PRKN: variants seen among roughly 807,000 people sequenced by gnomAD.
The protein encoded by PRKN is E3 ubiquitin-protein ligase parkin.
Under a neutral mutation model 59.5 loss-of-function variants are expected in PRKN, and 56 were observed. The observed-to-expected ratio is 0.94, with a 90% CI of 0.76 to 1.18. PRKN has a LOEUF of 1.18. PRKN is among the 50% of genes most tolerant of loss of function. PRKN has a pLI of 0.00. For missense variants in PRKN, 657 were observed against 596.4 expected, an observed-to-expected ratio of 1.10 and a Z score of -1.06; for synonymous variants, 250 against 222.1, an observed-to-expected ratio of 1.13 and a Z score of -1.12.
At chr6:162,024,691 T>C (rs1390260403) in intron 5 of PRKN, among the ~76,000 whole-genome samples, 1 of 152,186 alleles carries the variant, frequency 6.6e-6, no homozygotes, top group East Asian at 1.9e-4. Context: ...CTCAGGAACT[T>C]CTAAAACCAC....
At chr6:162,194,133 T>C (rs1175544320) in intron 4 of PRKN, among the ~76,000 whole-genome samples, 4 of 152,128 alleles carry the variant, frequency 2.6e-5, no homozygotes, top group Admixed American at 6.6e-5. Context: ...GAAGTTTAGG[T>C]TATATTTATA....
intron 7 of PRKN, among the ~76,000 whole-genome samples, chr6:161,750,142 C>CACACACACACACACACACATATAT (rs765990689): frequency 1.5e-5 from 2 of 136,982 alleles, no homozygotes; most frequent in African/African-American, 5.4e-5. Context: ...CACACACACA[C>CACACACACACACACACACATATAT]ATATATAAAT....
At chr6:162,498,769 T>C (rs1459766951) in intron 1 of PRKN, among the ~76,000 whole-genome samples, 1 of 151,988 alleles carries the variant, frequency 6.6e-6, no homozygotes, top group Non-Finnish European at 1.5e-5. Flanking sequence ...TAACATGTAA[T>C]AATGTGTATA....
chr6:161,756,459 A>C (rs1169139814), intron 7 of PRKN, among the ~76,000 whole-genome samples: 3 of 151,468 alleles, frequency 2.0e-5, no homozygotes, highest in African/African-American at 4.8e-5. Flanking sequence ...AAAAAAAAAA[A>C]AAAAAAAAAA....
chr6:162,622,769 C>G (rs1253363791), intron 1 of PRKN, among the ~76,000 whole-genome samples: 1 of 152,156 alleles, frequency 6.6e-6, no homozygotes, highest in African/African-American at 2.4e-5. Flanking sequence ...TGTCAACACT[C>G]AGAACATTCT....
chr6:161,806,616 G>A (rs913032887), intron 6 of PRKN, among the ~76,000 whole-genome samples: 4 of 152,174 alleles, frequency 2.6e-5, no homozygotes, highest in African/African-American at 9.7e-5. Flanking sequence ...CTGGAGGAGC[G>A]AGCAGGCTCT....
intron 6 of PRKN, among the ~76,000 whole-genome samples, chr6:161,925,297 T>G (rs1177444231): frequency 6.6e-6 from 1 of 152,134 alleles, no homozygotes; most frequent in East Asian, 1.9e-4. Context: ...AGAGGTCAGG[T>G]GCGGTGGTTC....
rs35750936 is a variant in PRKN at position 161,597,836 on chromosome 6, GCACA to G, written c.872-28424_872-28421del. Among the ~76,000 whole-genome samples, 204 of 150,114 alleles carry G rather than the reference GCACA, an allele frequency of 1.4e-3. 1 individual carries two copies. Among genetic ancestry groups the G allele is most frequent in the African/African-American group, 4.5e-3 (186 of 40,882 alleles). ...AGGTCTGTCCTCTGATCCAGCGTGC[GCACA>G]CACACACACACACACACATATTCTA... On this transcript the variant is annotated intron_variant, in intron 7 of 11. Transcript: ENST00000366898.
In PRKN at chr6:162,451,192, G is replaced by A. The variant is rs536963179; in HGVS notation, c.8-7719C>T. On this transcript the variant is annotated intron_variant, in intron 1 of 11. Transcript: ENST00000366898. The stretch of plus-strand genomic sequence containing the variant: ...AGAATTCAGTGTCTCCAGTAATTAC[G>A]TTTATAATGTCTGCGATATAATTTT... Among the ~76,000 whole-genome samples, 150 of 152,004 alleles carry A rather than the reference G, an allele frequency of 9.9e-4. 5 individuals carry two copies. In the South Asian group the frequency reaches 0.029, roughly 30 times the overall value.
At chr6:162,216,529 T>C (rs1032037917) in intron 3 of PRKN, among the ~76,000 whole-genome samples, 4 of 92,046 alleles carry the variant, frequency 4.3e-5, no homozygotes, top group African/African-American at 4.7e-5. Context: ...AGAGCGAGAC[T>C]CCGTCTCAAA....
At chr6:161,779,636 G>C (rs1392156763) in intron 7 of PRKN, among the ~76,000 whole-genome samples, 2 of 150,900 alleles carry the variant, frequency 1.3e-5, no homozygotes, top group Non-Finnish European at 3.0e-5. Flanking sequence ...GTAGAGACAG[G>C]GTTTCATCAT....
At chr6:162,471,425 T>C (rs1385715888) in intron 1 of PRKN, among the ~76,000 whole-genome samples, 1 of 152,210 alleles carries the variant, frequency 6.6e-6, no homozygotes, top group East Asian at 1.9e-4. Flanking sequence ...AGCTGGAAGT[T>C]ATCATAGATA....
At chr6:162,651,946 T>C (rs1778456324) in intron 1 of PRKN, among the ~76,000 whole-genome samples, 1 of 152,212 alleles carries the variant, frequency 6.6e-6, no homozygotes, top group African/African-American at 2.4e-5. Flanking sequence ...GGCCACATAC[T>C]TTTAAAAATA....
chr6:161,466,783 C>A lies in PRKN; in HGVS notation c.1084-79906G>T, dbSNP rs1790498177. ...ATTGATAGATTTATTTCAAAGCTGT[C>A]AAGTAGAGCCCAAAAAGAGTGGAAT... On this transcript the variant is annotated intron_variant, in intron 9 of 11. Coordinates refer to ENST00000366898, the MANE Select transcript of PRKN (RefSeq NM_004562.3). This position sits in a 1 kb window ranked among gnomAD's most constrained non-coding sequence, Gnocchi z 5.0. Among the ~76,000 whole-genome samples, 1 of 152,230 alleles carries A rather than the reference C, an allele frequency of 6.6e-6. No individual in the cohort carries two copies. Among genetic ancestry groups the A allele is most frequent in the African/African-American group, 2.4e-5 (1 of 41,532 alleles).
chr6:161,701,806 C>T (rs566458030), intron 7 of PRKN, among the ~76,000 whole-genome samples: 6 of 152,206 alleles, frequency 3.9e-5, no homozygotes, highest in African/African-American at 1.4e-4. Flanking sequence ...GTTCATTCTA[C>T]GTCTCAAACA....
At chr6:162,029,044 C>A (rs1052671368) in intron 5 of PRKN, among the ~76,000 whole-genome samples, 4 of 152,206 alleles carry the variant, frequency 2.6e-5, no homozygotes, top group South Asian at 2.1e-4. Flanking sequence ...TAGCATCAAC[C>A]ATTAAAGTGA....
In PRKN at chr6:162,327,597, ATGTTAGGTTTTGAAAATG is replaced by A. The variant is rs372092499; in HGVS notation, c.172-64850_172-64833del. The stretch of plus-strand genomic sequence containing the variant: ...GACAATGGTTTTCTCTACAGTTTCA[ATGTTAGGTTTTGAAAATG>A]TTAGGTCCTTGACAATGGTCTTCTC... On this transcript the variant is annotated intron_variant, in intron 2 of 11. Transcript: ENST00000366898. Among the ~76,000 whole-genome samples the A allele has an allele frequency of 8.0e-4, 105 of 130,574 alleles. 3 individuals carry two copies. The highest frequency in any genetic ancestry group is 2.8e-3 in the African/African-American group (103 of 36,910). 85.7% of individuals were successfully genotyped at this position (130,574 alleles called of 152,430 possible). A position where few individuals can be genotyped will look rare whatever the true frequency, so the allele number is the denominator to read the frequency against.
intron 2 of PRKN, among the ~76,000 whole-genome samples, chr6:162,347,554 T>C (rs1784455227): frequency 6.6e-6 from 1 of 152,076 alleles, no homozygotes; most frequent in African/African-American, 2.4e-5. Flanking sequence ...CTTAAATATG[T>C]GTGTTTGAAT....
At chr6:162,614,925 T>A (rs1782341689) in intron 1 of PRKN, among the ~76,000 whole-genome samples, 1 of 152,202 alleles carries the variant, frequency 6.6e-6, no homozygotes, top group South Asian at 2.1e-4. Flanking sequence ...TCCATTTCTA[T>A]GCATTGAGAA....
Sources: gnomAD v4.1 joint callset for allele counts (sites outside exome capture counted in the v4.1 genomes callset) on GRCh38, gnomAD v4.1.1 for gene constraint, Gnocchi (gnomAD v3.1) non-coding constraint, MANE v1.5 for transcripts, NCBI Gene and HGNC (gene_info 2026-07-23, HGNC 2026-07-21) for gene names.